RBFOX3: variants seen among roughly 807,000 people sequenced by gnomAD.
RBFOX3 encodes RNA binding fox-1 homolog 3, also known as RNA binding protein fox-1 homolog 3.
A neutral mutation model predicts 48.7 loss-of-function variants in RBFOX3; 17 were observed. The ratio of observed to expected loss-of-function variants is 0.35; its 90% CI spans 0.24 to 0.52. The LOEUF (loss-of-function observed/expected upper bound fraction) is 0.52. Among genes scored for constraint, RBFOX3 ranks in the 20% least tolerant of loss-of-function variants. The pLI is 0.94. For synonymous variants in RBFOX3, 212 were observed against 209.5 expected (o/e 1.01, Z -0.10); for missense variants, 382 against 497.5 (o/e 0.77, Z 2.21).
chr17:79,226,254 G>A (rs1224675448), intron 4 of RBFOX3, among the ~76,000 whole-genome samples: 1 of 152,156 alleles, frequency 6.6e-6, no homozygotes, highest in Non-Finnish European at 1.5e-5. Flanking sequence ...GAGGACTTTG[G>A]CCTTTCTCCA....
intron 5 of RBFOX3, among the ~76,000 whole-genome samples, chr17:79,107,602 G>A (rs2077637390): frequency 6.6e-6 from 1 of 152,230 alleles, no homozygotes; most frequent in African/African-American, 2.4e-5. Flanking sequence ...GTCTGGCTTG[G>A]TCCTGGCTGT....
chr17:79,488,290 A>G (rs1424515638), intron 1 of RBFOX3, among the ~76,000 whole-genome samples: 2 of 152,220 alleles, frequency 1.3e-5, no homozygotes, highest in African/African-American at 4.8e-5. Context: ...TATAGGATTT[A>G]AGATGAGGCA....
At chr17:79,186,224 CAG>C (rs1449851222) in intron 4 of RBFOX3, among the ~76,000 whole-genome samples, 2 of 152,216 alleles carry the variant, frequency 1.3e-5, no homozygotes, top group African/African-American at 2.4e-5. Flanking sequence ...CACCCAGCTC[CAG>C]AGAGAGAGGA....
At chr17:79,453,350 T>C (rs1024444014) in intron 2 of RBFOX3, among the ~76,000 whole-genome samples, 3 of 152,164 alleles carry the variant, frequency 2.0e-5, no homozygotes, top group South Asian at 2.1e-4. Flanking sequence ...GAGATGGCCA[T>C]AGAAGCTGGG....
At chr17:79,248,066 C>T (rs530213006) in intron 3 of RBFOX3, among the ~76,000 whole-genome samples, 7 of 152,224 alleles carry the variant, frequency 4.6e-5, no homozygotes, top group South Asian at 2.1e-4. Flanking sequence ...CAGTGAGCTC[C>T]GGTGGGGAGA....
chr17:79,360,092 T>C (rs1245824489), intron 2 of RBFOX3, among the ~76,000 whole-genome samples: 7 of 152,114 alleles, frequency 4.6e-5, no homozygotes, highest in Admixed American at 3.9e-4. Flanking sequence ...ACTGGGTGTT[T>C]GCCTTTTCTC....
intron 4 of RBFOX3, among the ~76,000 whole-genome samples, chr17:79,145,907 GGCC>G (rs1403358887): frequency 6.6e-6 from 1 of 152,180 alleles, no homozygotes; most frequent in Non-Finnish European, 1.5e-5. Flanking sequence ...TTTTTCCAAA[GGCC>G]GCCGGGGGCA....
chr17:79,120,699 T>TGGGTGGGTGGGAGGATGGAA (rs2035482431), intron 4 of RBFOX3, among the ~76,000 whole-genome samples: 1 of 54,962 alleles, frequency 1.8e-5, no homozygotes, highest in Non-Finnish European at 3.5e-5. Context: ...GATAGATGGG[T>TGGGTGGGTGGGAGGATGGAA]GGGTGGGTGG....
chr17:79,405,191 C>A (rs1402275349), intron 2 of RBFOX3, among the ~76,000 whole-genome samples: 1 of 152,190 alleles, frequency 6.6e-6, no homozygotes, highest in African/African-American at 2.4e-5. Context: ...GTGACGGCTG[C>A]ACCCCACCAG....
chr17:79,188,305 C>T (rs1238076379), intron 4 of RBFOX3, among the ~76,000 whole-genome samples: 1 of 152,252 alleles, frequency 6.6e-6, no homozygotes, highest in Non-Finnish European at 1.5e-5. Flanking sequence ...GGCCAGCACT[C>T]ACCTTCCGGC....
At chr17:79,255,203 C>A (rs2064578201) in intron 3 of RBFOX3, among the ~76,000 whole-genome samples, 1 of 150,060 alleles carries the variant, frequency 6.7e-6, no homozygotes, top group Non-Finnish European at 1.5e-5. Flanking sequence ...AGCTGAGTGG[C>A]CCTGTGGTCA....
At chr17:79,502,493 C>T (rs1201945999) in intron 1 of RBFOX3, among the ~76,000 whole-genome samples, 1 of 152,198 alleles carries the variant, frequency 6.6e-6, no homozygotes, top group Non-Finnish European at 1.5e-5. Context: ...ACTTTAAAAT[C>T]ATCAAGATGG....
chr17:79,569,176 T>C (rs1216544894), intron 1 of RBFOX3, among the ~76,000 whole-genome samples: 10 of 152,164 alleles, frequency 6.6e-5, no homozygotes, highest in African/African-American at 2.4e-4. Context: ...CCCATGACTA[T>C]GACCCACTTC....
At chr17:79,316,808 A>G (rs1034337530) in intron 2 of RBFOX3, among the ~76,000 whole-genome samples, 1 of 152,246 alleles carries the variant, frequency 6.6e-6, no homozygotes, top group African/African-American at 2.4e-5. Flanking sequence ...CATACCATGC[A>G]ATATTTGGGA....
intron 2 of RBFOX3, among the ~76,000 whole-genome samples, chr17:79,360,441 C>G (rs2086105232): frequency 6.6e-6 from 1 of 152,190 alleles, no homozygotes; most frequent in South Asian, 2.1e-4. Flanking sequence ...GCGCCGCACC[C>G]TGGGGCCCCC....
At chr17:79,593,581 T>C (rs1368241670) in intron 1 of RBFOX3, among the ~76,000 whole-genome samples, 4 of 152,200 alleles carry the variant, frequency 2.6e-5, no homozygotes, top group Non-Finnish European at 5.9e-5. Flanking sequence ...GAGGAATCCT[T>C]TCTTAATTCA....
intron 4 of RBFOX3, among the ~76,000 whole-genome samples, chr17:79,149,208 G>A (rs977205458): frequency 5.9e-5 from 9 of 152,366 alleles, no homozygotes; most frequent in Admixed American, 5.9e-4. Context: ...CAGGGATGGT[G>A]TTTCCAAATT....
chr17:79,119,528 G>A (rs908561850), intron 4 of RBFOX3, among the ~76,000 whole-genome samples: 2 of 152,174 alleles, frequency 1.3e-5, no homozygotes, highest in African/African-American at 4.8e-5. Context: ...TTGCAAGGGA[G>A]AGGAGGTTTC....
intron 1 of RBFOX3, among the ~76,000 whole-genome samples, chr17:79,530,115 A>G (rs1555786930): frequency 6.6e-6 from 1 of 152,198 alleles, no homozygotes; most frequent in African/African-American, 2.4e-5. Context: ...TAATGAGATG[A>G]GGCAGCATCG....
Sources: gnomAD v4.1 joint callset for allele counts (sites outside exome capture counted in the v4.1 genomes callset) on GRCh38, gnomAD v4.1.1 for gene constraint, MANE v1.5 for transcripts, NCBI Gene and HGNC (gene_info 2026-07-23, HGNC 2026-07-21) for gene names.